The following ZBTB7B variants were observed in gnomAD, a reference collection of about 807,000 sequenced individuals.
ZBTB7B encodes the protein zinc finger and BTB domain containing 7B.
Under a neutral mutation model 31.0 loss-of-function variants are expected in ZBTB7B, and 8 were observed. The observed-to-expected ratio is 0.26, with a 90% CI of 0.15 to 0.47. The LOEUF is 0.47. Among genes scored for constraint, ZBTB7B ranks in the 20% least tolerant of loss-of-function variants. ZBTB7B has a pLI of 0.99. For synonymous variants in ZBTB7B, 261 were observed against 307.3 expected (o/e 0.85, Z 1.58); for missense variants, 494 against 742.4 (o/e 0.67, Z 3.89).
chr1:155,012,333 T>C (rs755202632), intron 1 of ZBTB7B, among the ~76,000 whole-genome samples: 2 of 151,554 alleles, frequency 1.3e-5, no homozygotes, highest in South Asian at 4.2e-4. Flanking sequence ...TCCCAGCCAA[T>C]GGACAGCGAG....
At chr1:155,006,766 C>T (rs1658583992) in intron 1 of ZBTB7B, among the ~76,000 whole-genome samples, 1 of 152,112 alleles carries the variant, frequency 6.6e-6, no homozygotes, top group African/African-American at 2.4e-5. Context: ...CCCATATGCC[C>T]CTTTCAACAG....
In ZBTB7B at chr1:155,004,656, C is replaced by T. The variant is rs944690572; in HGVS notation, c.-7+1713C>T. On this transcript the variant is annotated intron_variant, in intron 1 of 2. Transcript: ENST00000535420. This position sits in a 1 kb window ranked among gnomAD's most constrained non-coding sequence, Gnocchi z 4.0. ...GTCTGGATGATAGTTAGTGTTCCTC[C>T]TTAGTGGTAACTGGGGAGAAGGGTA... 3.9e-5 allele frequency among the ~76,000 whole-genome samples: 6 copies of T among 152,056 alleles called. No homozygotes were observed. Among genetic ancestry groups the T allele is most frequent in the Non-Finnish European group, 7.4e-5 (5 of 67,960 alleles).
At position 155,003,422 on chromosome 1, in the gene ZBTB7B, G is replaced by C. The variant is rs565074229; in HGVS notation, c.-7+479G>C. ...CCCCAGGCCAGTTGCATGGGGGTTG[G>C]GGGGGCGCAGGAGGAGCCGCGGCTT... On this transcript the variant is annotated intron_variant, in intron 1 of 2. Transcript: ENST00000535420. The surrounding 1 kb of genome is among the most constrained non-coding windows in gnomAD (Gnocchi z 5.8). Among the ~76,000 whole-genome samples, 69 of 152,312 alleles carry C rather than the reference G, an allele frequency of 4.5e-4. No individual in the cohort carries two copies. In the East Asian group the frequency reaches 8.5e-3, roughly 19 times the overall value.
rs993169269 is a variant in ZBTB7B, at chr1:155,015,236, G to A, written c.576G>A (p.Pro192=). 9 of 1,613,270 alleles carry A rather than the reference G, an allele frequency of 5.6e-6. No homozygotes were observed. Among genetic ancestry groups the A allele is most frequent in the South Asian group, 3.3e-5 (3 of 91,084 alleles). ...TGCCCCTCCCACCACCTCCGCCACC[G>A]CCACCTCGGCCTGTTGCCCGCCGCA... is the stretch of plus-strand genomic sequence containing the variant. The part of the protein sequence containing the change: ...PQVPLPPPPP[P]PPRPVARRSR... The change falls in exon 2 of 3, where the codon CCG becomes CCA. Residue 192 remains proline (P), a synonymous_variant. Coordinates refer to ENST00000535420, the MANE Select transcript of ZBTB7B (RefSeq NM_001256455.2).
chr1:155,016,758 C>T lies in ZBTB7B; in HGVS notation c.*73C>T. On this transcript the variant is annotated 3_prime_UTR_variant, in exon 3 of 3. Transcript: ENST00000535420. The surrounding 1 kb of genome is among the most constrained non-coding windows in gnomAD (Gnocchi z 4.3). ...TGCCAAGCAGTGGGAGCACGCAGGACAGACACAGCAGGGGTCTGGGGCACG... is the reference window on the plus strand; with the variant it reads ...TGCCAAGCAGTGGGAGCACGCAGGATAGACACAGCAGGGGTCTGGGGCACG... 1 of 852,710 alleles carries T rather than the reference C, an allele frequency of 1.2e-6. No individual in the cohort carries two copies. 52.8% of individuals were successfully genotyped at this position (852,710 alleles called of 1,614,324 possible).
At chr1:155,011,201 C>T (rs1658947859) in intron 1 of ZBTB7B, among the ~76,000 whole-genome samples, 1 of 152,384 alleles carries the variant, frequency 6.6e-6, no homozygotes, top group Non-Finnish European at 1.5e-5. Context: ...GGCCTGCTAT[C>T]CCTGCCCTTC....
At chr1:155,008,849 G>C (rs905237287) in intron 1 of ZBTB7B, among the ~76,000 whole-genome samples, 2 of 152,064 alleles carry the variant, frequency 1.3e-5, no homozygotes, top group Non-Finnish European at 2.9e-5. Flanking sequence ...GCCAGGTCGT[G>C]GGCGGCCCCT....
At chr1:155,012,026 A>G (rs1659022465) in intron 1 of ZBTB7B, among the ~76,000 whole-genome samples, 1 of 152,078 alleles carries the variant, frequency 6.6e-6, no homozygotes, top group Non-Finnish European at 1.5e-5. Context: ...CTTCCCACAC[A>G]TGTCCTCTGC....
At chr1:155,011,423 C>G (rs1658968295) in intron 1 of ZBTB7B, among the ~76,000 whole-genome samples, 1 of 152,258 alleles carries the variant, frequency 6.6e-6, no homozygotes, top group African/African-American at 2.4e-5. Flanking sequence ...ACCTTTACCC[C>G]CTCCCAACTT....
chr1:155,014,476 CT>C (rs1048929841), intron 1 of ZBTB7B, 178 bp from the exon 2 acceptor site: 11 of 634,212 alleles, frequency 1.7e-5, no homozygotes, highest in African/African-American at 5.5e-5. Context: ...GTTTCCTTGT[CT>C]GTGAAACAGA....
intron 1 of ZBTB7B, among the ~76,000 whole-genome samples, chr1:155,005,212 G>A (rs1257480747): frequency 6.6e-6 from 1 of 152,064 alleles, no homozygotes; most frequent in Admixed American, 6.5e-5. Flanking sequence ...GGGCCCAGCA[G>A]GCATGGGGGG....
chr1:155,009,480 C>G (rs929366771), intron 1 of ZBTB7B, among the ~76,000 whole-genome samples: 1 of 152,124 alleles, frequency 6.6e-6, no homozygotes, highest in African/African-American at 2.4e-5. Flanking sequence ...TGCTGAGAAT[C>G]CTGATGGCCA....
intron 1 of ZBTB7B, among the ~76,000 whole-genome samples, chr1:155,009,909 G>A (rs1229181623): frequency 6.6e-6 from 1 of 152,124 alleles, no homozygotes; most frequent in Non-Finnish European, 1.5e-5. Context: ...GGCAGGGACA[G>A]TTCCTGGGAG....
rs543916219 is a variant in ZBTB7B, at chr1:155,007,387, G to A, written c.-7+4444G>A. 9.8e-5 allele frequency among the ~76,000 whole-genome samples: 15 copies of A among 152,340 alleles called. No homozygotes were observed. In the East Asian group the frequency reaches 2.7e-3, roughly 27 times the overall value. On this transcript the variant is annotated intron_variant, in intron 1 of 2. Transcript: ENST00000535420. ...GCAGCCCCACCCCACTCCCTTGCAG[G>A]CTGCAGGCACTAGGGCTCTCAGGAA...
chr1:155,009,375 A>C (rs1371025734), intron 1 of ZBTB7B, among the ~76,000 whole-genome samples: 3 of 149,222 alleles, frequency 2.0e-5, no homozygotes, highest in African/African-American at 7.4e-5. Context: ...CGGAGACACT[A>C]GGCTGGGGGG....
intron 1 of ZBTB7B, among the ~76,000 whole-genome samples, chr1:155,013,124 C>T (rs924685428): frequency 1.9e-4 from 29 of 152,212 alleles, no homozygotes; most frequent in African/African-American, 6.5e-4. Flanking sequence ...GAACATTTAT[C>T]GAATCCCTAC....
chr1:155,012,469 G>A (rs1394578983), intron 1 of ZBTB7B, among the ~76,000 whole-genome samples: 5 of 152,044 alleles, frequency 3.3e-5, no homozygotes, highest in Admixed American at 2.6e-4. Context: ...CTGCCCACCT[G>A]GTTTTTGTTT....
At chr1:155,014,318 A>C in intron 1 of ZBTB7B, 2 of 239,818 alleles carry the variant, frequency 8.3e-6, no homozygotes, top group Admixed American at 5.0e-5. Context: ...ATGGACCTCC[A>C]TGAAAGGGCC....
At chr1:155,002,336 G>T (rs572280428), upstream of ZBTB7B, among the ~76,000 whole-genome samples, 4 of 150,534 alleles carry the variant, frequency 2.7e-5, no homozygotes, top group East Asian at 2.0e-4. Context: ...GGAGAAAGGG[G>T]GGGGAGAGAG....
Sources: gnomAD v4.1 joint callset for allele counts (sites outside exome capture counted in the v4.1 genomes callset) on GRCh38, gnomAD v4.1.1 for gene constraint, Gnocchi (gnomAD v3.1) non-coding constraint, MANE v1.5 for transcripts, NCBI Gene and HGNC (gene_info 2026-07-23, HGNC 2026-07-21) for gene names.